The following MAP3K5 variants were observed in gnomAD, a reference collection of about 807,000 sequenced individuals.
MAP3K5 encodes ASK-1.
MAP3K5 carries 56 observed loss-of-function variants against 158.7 expected under a neutral mutation model. The ratio of observed to expected loss-of-function variants is 0.35; its 90% CI spans 0.28 to 0.44. The LOEUF (loss-of-function observed/expected upper bound fraction) is 0.44. MAP3K5 is among the 20% of genes least tolerant of loss of function. The pLI is 1.00. For synonymous variants in MAP3K5, 579 were observed against 601.7 expected, an observed-to-expected ratio of 0.96 and a Z score of 0.55; for missense variants, 1,294 against 1,674.8, an observed-to-expected ratio of 0.77 and a Z score of 3.97.
At chr6:136,601,778 A>G (rs1775886620) in intron 20 of MAP3K5, 24 bp downstream of exon 20, 2 of 1,611,416 alleles carry the variant, frequency 1.2e-6, no homozygotes, top group Non-Finnish European at 1.7e-6. Flanking sequence ...CTCAGACTAT[A>G]TCCTCTTCAA....
At chr6:136,646,127 C>A (rs1778244097) in intron 11 of MAP3K5, among the ~76,000 whole-genome samples, 1 of 151,896 alleles carries the variant, frequency 6.6e-6, no homozygotes, top group Admixed American at 6.6e-5. Context: ...TCAGGGTTTG[C>A]AAAGAAATTG....
At chr6:136,637,460 A>C in intron 13 of MAP3K5, 54 bp from the exon 14 acceptor site, 1 of 1,034,572 alleles carries the variant, frequency 9.7e-7, no homozygotes, top group South Asian at 1.3e-5. Context: ...AGTAAATATA[A>C]GCAAGTACAT....
intron 1 of MAP3K5, among the ~76,000 whole-genome samples, chr6:136,731,578 A>T (rs185164602): frequency 6.6e-6 from 1 of 152,206 alleles, no homozygotes; most frequent in South Asian, 2.1e-4. Context: ...CCTTCACTTC[A>T]TCATATCTGC....
intron 4 of MAP3K5, among the ~76,000 whole-genome samples, chr6:136,697,591 T>C (rs1242320185): frequency 7.3e-6 from 1 of 136,448 alleles, no homozygotes; most frequent in African/African-American, 3.7e-5. Flanking sequence ...CTTTTATTAC[T>C]CTGCCTTCAG....
In MAP3K5 at chr6:136,557,161, A is replaced by G. The variant is rs968115321; in HGVS notation, c.*597T>C. On this transcript the variant is annotated 3_prime_UTR_variant, in exon 30 of 30. Transcript: ENST00000359015. The stretch of plus-strand genomic sequence containing the variant: ...CAACTGGTACAGTTCAGTAGTACAT[A>G]AACGACTCAAACAAATGTACGACAG... The G allele has an allele frequency of 7.2e-5, 11 of 153,248 alleles. No individual in the cohort carries two copies. The highest frequency in any genetic ancestry group is 2.4e-4 in the African/African-American group (10 of 41,468). 9.5% of individuals were successfully genotyped at this position (153,248 alleles called of 1,614,324 possible). A position where few individuals can be genotyped will look rare whatever the true frequency, so the allele number is the denominator to read the frequency against.
At chr6:136,648,289 T>C (rs1778362035) in intron 11 of MAP3K5, among the ~76,000 whole-genome samples, 1 of 152,232 alleles carries the variant, frequency 6.6e-6, no homozygotes, top group African/African-American at 2.4e-5. Flanking sequence ...AATATTGGCA[T>C]GTGTAATCTG....
chr6:136,791,595 C>T (rs1267942516), intron 1 of MAP3K5, 115 bp downstream of exon 1: 24 of 1,180,192 alleles, frequency 2.0e-5, no homozygotes, highest in Non-Finnish European at 2.7e-5. Flanking sequence ...CTCGCTGCCC[C>T]CAAAGTGGGG....
chr6:136,777,834 G>C (rs1451525839), intron 1 of MAP3K5, among the ~76,000 whole-genome samples: 1 of 148,316 alleles, frequency 6.7e-6, no homozygotes, highest in African/African-American at 2.5e-5. Context: ...TTGGCATTCA[G>C]GTTGACAATT....
chr6:136,677,768 G>C (rs1166488440), intron 7 of MAP3K5, among the ~76,000 whole-genome samples: 1 of 152,212 alleles, frequency 6.6e-6, no homozygotes, highest in Non-Finnish European at 1.5e-5. Context: ...TCCTACAAAT[G>C]AGGACAGTGT....
chr6:136,558,942 T>G (rs892323729), intron 28 of MAP3K5, 66 bp from the exon 29 acceptor site: 17 of 808,686 alleles, frequency 2.1e-5, no homozygotes, highest in Non-Finnish European at 3.6e-5. Context: ...CAAACTCTAT[T>G]CATAATGTAA....
chr6:136,680,200 T>C (rs1779873545), intron 7 of MAP3K5, among the ~76,000 whole-genome samples: 1 of 152,194 alleles, frequency 6.6e-6, no homozygotes, highest in Non-Finnish European at 1.5e-5. Flanking sequence ...GGGCAACTGT[T>C]GTCTAACAGA....
intron 9 of MAP3K5, among the ~76,000 whole-genome samples, chr6:136,658,501 G>C (rs1778866058): frequency 6.6e-6 from 1 of 151,844 alleles, no homozygotes; most frequent in South Asian, 2.1e-4. Flanking sequence ...TTTTAGTAGA[G>C]ATGGGGTTTC....
intron 1 of MAP3K5, among the ~76,000 whole-genome samples, chr6:136,731,436 A>G (rs1471786620): frequency 6.6e-6 from 1 of 152,184 alleles, no homozygotes; most frequent in Non-Finnish European, 1.5e-5. Context: ...TCAAGATTCT[A>G]AGTTTTCGGC....
chr6:136,729,727 G>A lies in MAP3K5; in HGVS notation c.449-9138C>T, dbSNP rs118113659. Among the ~76,000 whole-genome samples, 899 of 152,296 alleles carry A rather than the reference G, an allele frequency of 5.9e-3. 2 individuals carry two copies. Among genetic ancestry groups the A allele is most frequent in the Non-Finnish European group, 0.01 (683 of 68,024 alleles). ...AGAGGTATGTCAGGATCTAAGCTTC[G>A]CTTTGGAAAGATAAAGCTAGAATCT... On this transcript the variant is annotated intron_variant, in intron 1 of 29. Coordinates refer to ENST00000359015, the MANE Select transcript of MAP3K5 (RefSeq NM_005923.4).
chr6:136,568,202 A>AC (rs1774205156), intron 25 of MAP3K5, among the ~76,000 whole-genome samples: 1 of 152,220 alleles, frequency 6.6e-6, no homozygotes, highest in Non-Finnish European at 1.5e-5. Flanking sequence ...AGATGTAAAA[A>AC]CCTTTTAAGA....
chr6:136,603,274 G>C (rs1238271467), intron 19 of MAP3K5, among the ~76,000 whole-genome samples: 2 of 151,154 alleles, frequency 1.3e-5, no homozygotes, highest in Non-Finnish European at 2.9e-5. Flanking sequence ...CCCAGTCCAA[G>C]TGATTCTCCT....
chr6:136,691,211 G>A (rs531536034), intron 7 of MAP3K5, among the ~76,000 whole-genome samples: 5 of 151,928 alleles, frequency 3.3e-5, no homozygotes, highest in Non-Finnish European at 7.4e-5. Flanking sequence ...TTTTTTATTT[G>A]TTTGTTTGTT....
At chr6:136,747,507 T>C (rs1164884094) in intron 1 of MAP3K5, among the ~76,000 whole-genome samples, 2 of 152,128 alleles carry the variant, frequency 1.3e-5, no homozygotes, top group African/African-American at 2.4e-5. Context: ...CCCACCACAA[T>C]AGTATATGCT....
At chr6:136,647,473 A>C (rs922684075) in intron 11 of MAP3K5, among the ~76,000 whole-genome samples, 1 of 152,180 alleles carries the variant, frequency 6.6e-6, no homozygotes, top group Non-Finnish European at 1.5e-5. Context: ...CATAATTCAC[A>C]TTCTGTTCTG....
Sources: allele counts gnomAD v4.1 joint callset (sites outside exome capture counted in the v4.1 genomes callset), GRCh38; gene constraint gnomAD v4.1.1; transcripts MANE v1.5; gene names NCBI Gene and HGNC (gene_info 2026-07-23, HGNC 2026-07-21).